Variants in ARHGAP24 observed in about 807,000 individuals in gnomAD.
The protein encoded by ARHGAP24 is Rho GTPase activating protein 24.
ARHGAP24 carries 50 observed loss-of-function variants against 76.4 expected under a neutral mutation model. That is an observed-to-expected ratio of 0.65 (90% CI 0.52 to 0.83). The LOEUF (loss-of-function observed/expected upper bound fraction) is 0.83, where lower values mean the gene tolerates loss of function less well. Ranked by LOEUF, ARHGAP24 falls within the 40% of genes least tolerant of loss-of-function variation. The probability of loss-of-function intolerance (pLI) is 0.00; values close to 1 mark genes in which losing one functional copy is unlikely to be tolerated. For synonymous variants in ARHGAP24, 345 were observed against 323.3 expected, an observed-to-expected ratio of 1.07 and a Z score of -0.72; for missense variants, 930 against 914.2, an observed-to-expected ratio of 1.02 and a Z score of -0.22.
At chr4:85,924,199 T>A (rs1735891321) in intron 4 of ARHGAP24, among the ~76,000 whole-genome samples, 1 of 152,188 alleles carries the variant, frequency 6.6e-6, no homozygotes, top group African/African-American at 2.4e-5. Flanking sequence ...CTTTTGATAA[T>A]AATCTGATGA....
intron 2 of ARHGAP24, among the ~76,000 whole-genome samples, chr4:85,673,647 G>A (rs1560579647): frequency 6.8e-6 from 1 of 146,850 alleles, no homozygotes; most frequent in Non-Finnish European, 1.5e-5. Flanking sequence ...ATAACTCAAG[G>A]GAAAGTCATC....
At chr4:85,855,779 A>AG (rs1029255965) in intron 3 of ARHGAP24, among the ~76,000 whole-genome samples, 97 of 151,736 alleles carry the variant, frequency 6.4e-4, no homozygotes, top group African/African-American at 2.3e-3. Context: ...AAAGAAAAAA[A>AG]AAAAAAAGAA....
At chr4:85,829,459 A>T (rs903796773) in intron 3 of ARHGAP24, among the ~76,000 whole-genome samples, 1 of 152,176 alleles carries the variant, frequency 6.6e-6, no homozygotes, top group African/African-American at 2.4e-5. Flanking sequence ...CACTCTCTTC[A>T]TGGTTCCTTG....
intron 3 of ARHGAP24, among the ~76,000 whole-genome samples, chr4:85,893,709 A>G (rs1733967940): frequency 1.4e-5 from 2 of 147,494 alleles, no homozygotes; most frequent in Non-Finnish European, 3.0e-5. Flanking sequence ...TCTGGCTTGT[A>G]GGGTTTCTGC....
intron 2 of ARHGAP24, among the ~76,000 whole-genome samples, chr4:85,698,325 G>T (rs1723945141): frequency 6.6e-6 from 1 of 152,050 alleles, no homozygotes; most frequent in African/African-American, 2.4e-5. Flanking sequence ...GGGAGCTGGG[G>T]GACTAAGTGT....
intron 5 of ARHGAP24, among the ~76,000 whole-genome samples, chr4:85,956,793 A>G (rs3943729): frequency 0.21 from 31,728 of 152,072 alleles, 3,554 homozygotes; most frequent in South Asian, 0.39. Flanking sequence ...AGCGGCAGGC[A>G]GCAAAAAGCA....
At chr4:85,929,208 C>CT (rs1056036922) in intron 4 of ARHGAP24, among the ~76,000 whole-genome samples, 38 of 152,130 alleles carry the variant, frequency 2.5e-4, no homozygotes, top group African/African-American at 9.2e-4. Flanking sequence ...CTTTGTGGTT[C>CT]TTTATTTTCT....
At chr4:85,963,438 G>A (rs1738380092) in intron 5 of ARHGAP24, among the ~76,000 whole-genome samples, 2 of 151,984 alleles carry the variant, frequency 1.3e-5, no homozygotes, top group Non-Finnish European at 2.9e-5. Flanking sequence ...TTTTAATTAG[G>A]TTTTGTTATT....
At chr4:85,654,965 A>T (rs1418080147) in intron 2 of ARHGAP24, among the ~76,000 whole-genome samples, 1 of 152,246 alleles carries the variant, frequency 6.6e-6, no homozygotes, top group Non-Finnish European at 1.5e-5. Context: ...GAATATATAC[A>T]GAATTAGCTA....
intron 3 of ARHGAP24, among the ~76,000 whole-genome samples, chr4:85,801,783 G>A (rs898541731): frequency 1.3e-5 from 2 of 152,200 alleles, no homozygotes; most frequent in African/African-American, 4.8e-5. Context: ...TCCTTCCCTG[G>A]CAATATGTTA....
chr4:85,656,727 A>C (rs1406060991), intron 2 of ARHGAP24, among the ~76,000 whole-genome samples: 1 of 152,062 alleles, frequency 6.6e-6, no homozygotes, highest in Admixed American at 6.6e-5. Context: ...CAGCCTCCCA[A>C]AGTGCTGGGA....
At chr4:85,550,525 A>G (rs1341717501) in intron 1 of ARHGAP24, among the ~76,000 whole-genome samples, 2 of 152,092 alleles carry the variant, frequency 1.3e-5, no homozygotes, top group Admixed American at 6.6e-5. Context: ...CTTGGCTATT[A>G]AATCTCTTAT....
intron 2 of ARHGAP24, among the ~76,000 whole-genome samples, chr4:85,630,984 C>T (rs923954486): frequency 6.6e-6 from 1 of 151,972 alleles, no homozygotes; most frequent in African/African-American, 2.4e-5. Context: ...GCCATACACA[C>T]ACGTATATAT....
intron 4 of ARHGAP24, among the ~76,000 whole-genome samples, chr4:85,937,540 C>T (rs181112625): frequency 6.6e-6 from 1 of 152,040 alleles, no homozygotes; most frequent in Admixed American, 6.5e-5. Context: ...GTAACTGTAT[C>T]AGGTAAAGTA....
At chr4:85,744,670 A>G (rs1322896562) in intron 3 of ARHGAP24, among the ~76,000 whole-genome samples, 1 of 151,788 alleles carries the variant, frequency 6.6e-6, no homozygotes, top group Non-Finnish European at 1.5e-5. Context: ...GCAAACCAAG[A>G]AGTTACTTGT....
chr4:85,809,165 CA>C (rs1170190997), intron 3 of ARHGAP24, among the ~76,000 whole-genome samples: 6 of 152,124 alleles, frequency 3.9e-5, no homozygotes, highest in African/African-American at 1.4e-4. Context: ...AGATCAAAGA[CA>C]TTTTTTTCTC....
At chr4:85,957,253 T>G (rs1737973221) in intron 5 of ARHGAP24, among the ~76,000 whole-genome samples, 1 of 152,242 alleles carries the variant, frequency 6.6e-6, no homozygotes, top group African/African-American at 2.4e-5. Flanking sequence ...TTTCTTTAAA[T>G]GTATTCACAG....
chr4:85,819,794 C>T (rs1729390488), intron 3 of ARHGAP24, among the ~76,000 whole-genome samples: 1 of 152,050 alleles, frequency 6.6e-6, no homozygotes. Flanking sequence ...GTGGTACGCA[C>T]CTGTAATCCC....
rs577075557 is a variant in ARHGAP24, at chr4:85,884,982, T to A, written c.269-38666T>A. On this transcript the variant is annotated intron_variant, in intron 3 of 9. Transcript: ENST00000395184. ...TTTGGAAAATTTTTAATGATGTAGG[T>A]CTTTTATGTCTGTCAAGAAATACAA... is the stretch of plus-strand genomic sequence containing the variant. Among the ~76,000 whole-genome samples the A allele has an allele frequency of 4.6e-5, 7 of 152,280 alleles. No homozygotes were observed. In the South Asian group the frequency reaches 1.4e-3, roughly 32 times the overall value.
Sources: gnomAD v4.1 joint callset for allele counts (sites outside exome capture counted in the v4.1 genomes callset) on GRCh38, gnomAD v4.1.1 for gene constraint, MANE v1.5 for transcripts, NCBI Gene and HGNC (gene_info 2026-07-23, HGNC 2026-07-21) for gene names.